DDR2: variants seen among roughly 807,000 people sequenced by gnomAD.
DDR2 encodes discoidin domain receptor tyrosine kinase 2.
A neutral mutation model predicts 94.9 loss-of-function variants in DDR2; 27 were observed. The ratio of observed to expected loss-of-function variants is 0.28; its 90% CI spans 0.21 to 0.39. The LOEUF (loss-of-function observed/expected upper bound fraction) is 0.39. Ranked by LOEUF, DDR2 falls within the 10% of genes least tolerant of loss-of-function variation. The pLI, the probability that DDR2 is intolerant of heterozygous loss-of-function variation, is 1.00. For missense variants in DDR2, 783 were observed against 1,076.0 expected (o/e 0.73, Z 3.81); for synonymous variants, 382 against 377.2 (o/e 1.01, Z -0.15).
chr1:162,778,522 C>T (rs2102205395), intron 16 of DDR2, 58 bp from the exon 17 acceptor site: 1 of 1,604,596 alleles, frequency 6.2e-7, no homozygotes, highest in Non-Finnish European at 8.5e-7. Flanking sequence ...TGAAATTTAA[C>T]AGGGTGTTGT....
chr1:162,778,177 T>G (rs147888969), intron 16 of DDR2, among the ~76,000 whole-genome samples: 361 of 152,322 alleles, frequency 2.4e-3, no homozygotes, highest in African/African-American at 8.2e-3. Context: ...ATCACTGAAC[T>G]GGTAAATGAG....
At chr1:162,671,123 G>C (rs73020570) in intron 2 of DDR2, among the ~76,000 whole-genome samples, 126 of 152,248 alleles carry the variant, frequency 8.3e-4, no homozygotes, top group African/African-American at 2.5e-3. Context: ...TATCACGTGG[G>C]AACTCATTAC....
At position 162,763,576 on chromosome 1, in the gene DDR2, G is replaced by A. The variant is rs144685039; in HGVS notation, c.1099+2122G>A. ...GCCTTTGATAACTTTCTTGTTTTCC[G>A]AAAGAACAAGGTATTTCAAGCTCAT... is the stretch of plus-strand genomic sequence containing the variant. On this transcript the variant is annotated intron_variant, in intron 9 of 17. Coordinates refer to ENST00000367921, the MANE Select transcript of DDR2 (RefSeq NM_006182.4). Among the ~76,000 whole-genome samples the A allele has an allele frequency of 6.7e-3, 1,021 of 151,980 alleles. 5 individuals carry two copies. Among genetic ancestry groups the A allele is most frequent in the Non-Finnish European group, 9.8e-3 (666 of 67,982 alleles).
chr1:162,748,919 G>A (rs1240055348), intron 3 of DDR2, among the ~76,000 whole-genome samples: 5 of 152,194 alleles, frequency 3.3e-5, no homozygotes, highest in East Asian at 1.9e-4. Context: ...GGTACATAAT[G>A]AAATGAAGGC....
intron 2 of DDR2, among the ~76,000 whole-genome samples, chr1:162,676,176 T>A (rs559835910): frequency 5.3e-5 from 8 of 151,856 alleles, no homozygotes; most frequent in Non-Finnish European, 1.0e-4. Flanking sequence ...TCAAGAATGG[T>A]GTCTAACACT....
At chr1:162,705,208 A>G (rs1326274733) in intron 2 of DDR2, 1 of 152,116 alleles carries the variant, frequency 6.6e-6, no homozygotes, top group Non-Finnish European at 1.5e-5. Context: ...CAGATATCCA[A>G]TCTCACTACA....
intron 3 of DDR2, among the ~76,000 whole-genome samples, chr1:162,749,913 A>G (rs1162095777): frequency 6.6e-6 from 1 of 152,234 alleles, no homozygotes; most frequent in Non-Finnish European, 1.5e-5. Flanking sequence ...CAAAAACCAC[A>G]TGATTATCTC....
intron 3 of DDR2, among the ~76,000 whole-genome samples, chr1:162,727,466 A>G (rs1450781515): frequency 6.8e-6 from 1 of 146,032 alleles, no homozygotes; most frequent in African/African-American, 2.5e-5. Flanking sequence ...ATATGTTCAC[A>G]TGTTACATGT....
At chr1:162,646,158 G>A (rs1657396411) in intron 1 of DDR2, among the ~76,000 whole-genome samples, 1 of 152,190 alleles carries the variant, frequency 6.6e-6, no homozygotes. Context: ...AAGCCAGGCA[G>A]TGAAATTGCA....
intron 2 of DDR2, among the ~76,000 whole-genome samples, chr1:162,686,097 C>T (rs1659671766): frequency 1.3e-5 from 2 of 152,210 alleles, no homozygotes; most frequent in Non-Finnish European, 2.9e-5. Flanking sequence ...TTGATCTTGG[C>T]TCACTGCAAC....
Position 162,783,602 on chromosome 1 carries a change from G to A in DDR2, c.*3356G>A, listed in dbSNP as rs1648020657. 1 of 152,144 alleles carries A rather than the reference G, an allele frequency of 6.6e-6. No individual in the cohort carries two copies. The highest frequency in any genetic ancestry group is 1.5e-5 in the Non-Finnish European group (1 of 68,026). The allele number at this position is 152,144 out of a possible 1,614,324, so 9.4% of individuals were successfully genotyped here. On this transcript the variant is annotated 3_prime_UTR_variant, in exon 18 of 18. Transcript: ENST00000367921. ...GTTTTGAAAGGGAATAGGAAAGTAA[G>A]TGTCTTGAAGTAAAAGATAAATATG...
chr1:162,726,936 T>C (rs1415302880), intron 3 of DDR2, among the ~76,000 whole-genome samples: 2 of 151,550 alleles, frequency 1.3e-5, no homozygotes, highest in Non-Finnish European at 2.9e-5. Context: ...GCCCATAAGA[T>C]CAAGACATAC....
intron 2 of DDR2, among the ~76,000 whole-genome samples, chr1:162,657,765 G>T (rs992725644): frequency 1.3e-5 from 2 of 151,954 alleles, no homozygotes; most frequent in Non-Finnish European, 2.9e-5. Flanking sequence ...ATCCAGTGGT[G>T]GTACCCCTAG....
intron 2 of DDR2, among the ~76,000 whole-genome samples, chr1:162,693,139 T>C (rs1660031799): frequency 6.6e-6 from 1 of 152,150 alleles, no homozygotes; most frequent in African/African-American, 2.4e-5. Context: ...AGGTTAGACA[T>C]CAGTTTACCT....
chr1:162,743,855 A>G (rs571047072), intron 3 of DDR2, among the ~76,000 whole-genome samples: 37 of 152,316 alleles, frequency 2.4e-4, no homozygotes, highest in Non-Finnish European at 4.9e-4. Context: ...GTGTCCCTTT[A>G]TGATTCCTCT....
chr1:162,781,059 A>G lies in DDR2; in HGVS notation c.*813A>G, dbSNP rs914530952. On this transcript the variant is annotated 3_prime_UTR_variant, in exon 18 of 18. Transcript: ENST00000367921. ...ACACATAACAGACATGCTATCCACC[A>G]TTTATTTGTGATTTTGTAAGAGGGT... 4.6e-5 allele frequency: 7 copies of G among 152,168 alleles called. No homozygotes were observed. Among genetic ancestry groups the G allele is most frequent in the Non-Finnish European group, 8.8e-5 (6 of 68,040 alleles). 9.4% of individuals were successfully genotyped at this position (152,168 alleles called of 1,614,324 possible).
chr1:162,640,630 T>G (rs896377861), intron 1 of DDR2, among the ~76,000 whole-genome samples: 1 of 152,206 alleles, frequency 6.6e-6, no homozygotes, highest in East Asian at 1.9e-4. Flanking sequence ...TGTAATATAG[T>G]TATAATCATG....
rs144460563 is a variant in DDR2, at chr1:162,703,789, G to T, written c.-27-15248G>T. Reference sequence around the variant, plus strand: ...CCAGTTCCTGGTTTTCACGTCTAATGGATTTTTCCCCATAGCTTCTCCCCC... The same window carrying T: ...CCAGTTCCTGGTTTTCACGTCTAATTGATTTTTCCCCATAGCTTCTCCCCC... On this transcript the variant is annotated intron_variant, in intron 2 of 17. Coordinates refer to ENST00000367921, the MANE Select transcript of DDR2 (RefSeq NM_006182.4). 4.5e-3 allele frequency among the ~76,000 whole-genome samples: 679 copies of T among 152,230 alleles called. 5 individuals are homozygous for T. Among genetic ancestry groups the T allele is most frequent in the South Asian group, 0.019 (90 of 4,810 alleles).
chr1:162,702,689 C>T (rs1303717571), intron 2 of DDR2, among the ~76,000 whole-genome samples: 2 of 152,182 alleles, frequency 1.3e-5, no homozygotes, highest in African/African-American at 4.8e-5. Context: ...AGCTTTGGTA[C>T]TGCTCGTTGT....
Sources: gnomAD v4.1 joint callset for allele counts (sites outside exome capture counted in the v4.1 genomes callset) on GRCh38, gnomAD v4.1.1 for gene constraint, MANE v1.5 for transcripts, NCBI Gene and HGNC (gene_info 2026-07-23, HGNC 2026-07-21) for gene names.